The following CPSF4 variants were observed in gnomAD, a reference collection of about 807,000 sequenced individuals.
The protein encoded by CPSF4 is cleavage and polyadenylation specific factor 4.
A neutral mutation model predicts 37.7 loss-of-function variants in CPSF4; 11 were observed. That is an observed-to-expected ratio of 0.29 (90% confidence interval 0.18 to 0.48). CPSF4 has a LOEUF of 0.48. Ranked by LOEUF, CPSF4 falls within the 20% of genes least tolerant of loss-of-function variation. The pLI is 0.99. For synonymous variants in CPSF4, 132 were observed against 135.9 expected, an observed-to-expected ratio of 0.97 and a Z score of 0.20; for missense variants, 144 against 359.5, an observed-to-expected ratio of 0.40 and a Z score of 4.85.
At chr7:99,443,411 TC>T in intron 1 of CPSF4, 1 of 1,451,852 alleles carries the variant, frequency 6.9e-7, no homozygotes, top group South Asian at 1.1e-5. Flanking sequence ...CTTGCTTTAT[TC>T]CCTTGGTCTC....
chr7:99,443,309 T>G, intron 1 of CPSF4: 1 of 875,120 alleles, frequency 1.1e-6, no homozygotes, highest in Non-Finnish European at 2.0e-6. Flanking sequence ...ACAAGGGGTT[T>G]TTTTCTTCTT....
At chr7:99,451,260 A>G (rs1797913958) in intron 5 of CPSF4, among the ~76,000 whole-genome samples, 2 of 152,208 alleles carry the variant, frequency 1.3e-5, no homozygotes, top group South Asian at 2.1e-4. Flanking sequence ...ACTGAGGCAC[A>G]GGGCTCAGTC....
chr7:99,454,190 A>G (rs1798136174), intron 7 of CPSF4, 54 bp downstream of exon 7: 2 of 1,457,578 alleles, frequency 1.4e-6, no homozygotes, highest in South Asian at 2.4e-5. Context: ...GTCAGTGGCC[A>G]TTCCCTCATG....
At position 99,454,049 on chromosome 7, in the gene CPSF4, C is replaced by G. The variant is rs747462840; in HGVS notation, c.654C>G (p.Thr218=). 6 of 1,614,110 alleles carry G rather than the reference C, an allele frequency of 3.7e-6. No homozygotes were observed. The highest frequency in any genetic ancestry group is 5.1e-6 in the Non-Finnish European group (6 of 1,180,038). Residue 218 remains threonine (T), a synonymous_variant, in exon 7 of 8, where the codon ACC becomes ACG. Coordinates refer to ENST00000292476, the MANE Select transcript of CPSF4 (RefSeq NM_006693.4). ...ACTCTTCTCCCAATCAGCAGAGAAC[C>G]CCGCAGGTCATCGGGGTCATGCAGA... ...SQNSSPNQQR[T]PQVIGVMQSQ... is the part of the protein sequence containing the mutation.
intron 5 of CPSF4, among the ~76,000 whole-genome samples, chr7:99,452,112 G>C (rs1797974236): frequency 6.6e-6 from 1 of 152,104 alleles, no homozygotes; most frequent in Admixed American, 6.5e-5. Flanking sequence ...GAGTCTCCCA[G>C]CTCGGTGTAG....
intron 6 of CPSF4, 56 bp downstream of exon 6, chr7:99,452,496 C>T: frequency 6.7e-7 from 1 of 1,485,672 alleles, no homozygotes; most frequent in Non-Finnish European, 9.4e-7. Flanking sequence ...CAGCGAGAAC[C>T]TCAGTGTCCC....
intron 1 of CPSF4, chr7:99,443,452 T>A: frequency 8.9e-7 from 1 of 1,117,630 alleles, no homozygotes; most frequent in Non-Finnish European, 1.4e-6. Context: ...CTTGCTTTAG[T>A]TTAGCAAGCT....
intron 1 of CPSF4, among the ~76,000 whole-genome samples, chr7:99,440,675 T>TATATATATA (rs1491236759): frequency 1.3e-3 from 98 of 74,812 alleles, no homozygotes; most frequent in African/African-American, 6.7e-3. Flanking sequence ...TATATATATA[T>TATATATATA]TTTTTTTTTT....
At chr7:99,450,400 G>A (rs1361116527) in intron 4 of CPSF4, 29 bp downstream of exon 4, 3 of 1,517,682 alleles carry the variant, frequency 2.0e-6, no homozygotes, top group Non-Finnish European at 2.7e-6. Context: ...TGGGCCCCGG[G>A]CAAGAAGCCA....
intron 2 of CPSF4, chr7:99,447,789 C>G (rs536012481): frequency 2.2e-6 from 1 of 456,234 alleles, no homozygotes; most frequent in African/African-American, 2.0e-5. Context: ...CAGGATTTCA[C>G]CGTGACAGCC....
Position 99,450,855 on chromosome 7 carries a change from C to T in CPSF4, c.497+60C>T, listed in dbSNP as rs550355025. The T allele has an allele frequency of 2.3e-5, 30 of 1,286,788 alleles. No individual in the cohort carries two copies. The East Asian group carries it at 3.9e-4, about 17-fold the overall frequency. The allele number at this position is 1,286,788 out of a possible 1,614,324, so 79.7% of individuals were successfully genotyped here. ...TCCCGGCCCAGGCCCTGCTGCCCTC[C>T]GTATCTTCCCTGGGCCAACTGGGCC... On this transcript the variant is annotated intron_variant, in intron 5 of 7. Coordinates refer to ENST00000292476, the MANE Select transcript of CPSF4 (RefSeq NM_006693.4).
intron 2 of CPSF4, among the ~76,000 whole-genome samples, chr7:99,447,355 G>A (rs1277496976): frequency 2.0e-5 from 3 of 147,380 alleles, no homozygotes; most frequent in Non-Finnish European, 1.5e-5. Context: ...TGCAACCTCC[G>A]CCTCCTGGGT....
intron 7 of CPSF4, 37 bp downstream of exon 7, chr7:99,454,173 C>T: frequency 6.4e-7 from 1 of 1,571,012 alleles, no homozygotes; most frequent in Non-Finnish European, 8.7e-7. Context: ...TGGGGTCTTC[C>T]CTTACCGTCA....
intron 2 of CPSF4, chr7:99,447,855 C>A: frequency 1.9e-6 from 1 of 525,612 alleles, no homozygotes; most frequent in Non-Finnish European, 3.7e-6. Context: ...TGTGATCCGC[C>A]CACCTCGGCC....
rs1369739993 is a variant in CPSF4, at chr7:99,454,033, C to T, written c.638C>T (p.Pro213Leu). ...LIQLTSQNSSPNQQRTPQVIG... is the reference protein window; with the variant it reads ...LIQLTSQNSSLNQQRTPQVIG... ...CAGTTAACGAGTCAGAACTCTTCTC[C>T]CAATCAGCAGAGAACCCCGCAGGTC... Residue 213 changes from proline (P) to leucine (L), a missense_variant, in exon 7 of 8, where the codon CCC becomes CTC. By Grantham distance (98) the Pro-to-Leu change is moderately conservative (BLOSUM62 -3). Coordinates refer to ENST00000292476, the MANE Select transcript of CPSF4 (RefSeq NM_006693.4). 1.2e-6 allele frequency: 2 copies of T among 1,614,198 alleles called. No homozygotes were observed. Among genetic ancestry groups the T allele is most frequent in the Non-Finnish European group, 1.7e-6 (2 of 1,180,016 alleles).
At chr7:99,452,471 G>A (rs1449590228) in intron 6 of CPSF4, 31 bp downstream of exon 6, 9 of 1,597,164 alleles carry the variant, frequency 5.6e-6, no homozygotes, top group Non-Finnish European at 6.9e-6. Context: ...CGGTAGGAAG[G>A]AAGTGCCTTT....
chr7:99,445,277 C>T (rs79212059), intron 2 of CPSF4, among the ~76,000 whole-genome samples: 2 of 152,050 alleles, frequency 1.3e-5, no homozygotes, highest in Non-Finnish European at 2.9e-5. Flanking sequence ...GTCTTGTTCT[C>T]GATAACCAGC....
At chr7:99,443,813 G>A (rs1797238590) in intron 1 of CPSF4, among the ~76,000 whole-genome samples, 1 of 152,110 alleles carries the variant, frequency 6.6e-6, no homozygotes, top group Non-Finnish European at 1.5e-5. Flanking sequence ...CAGCTACTCA[G>A]GAAGCTGAGG....
intron 1 of CPSF4, among the ~76,000 whole-genome samples, chr7:99,440,668 A>AT (rs1263161658): frequency 1.2e-5 from 1 of 84,826 alleles, no homozygotes. Flanking sequence ...ATATATATAT[A>AT]TATATATTTT....
Sources: allele counts gnomAD v4.1 joint callset (sites outside exome capture counted in the v4.1 genomes callset), GRCh38; gene constraint gnomAD v4.1.1; transcripts MANE v1.5; gene names NCBI Gene and HGNC (gene_info 2026-07-23, HGNC 2026-07-21).